SV2C: variants seen among roughly 807,000 people sequenced by gnomAD.
SV2C encodes the protein synaptic vesicle glycoprotein 2C.
SV2C carries 49 observed loss-of-function variants against 79.7 expected under a neutral mutation model. That is an observed-to-expected ratio of 0.61 (90% confidence interval 0.49 to 0.78). The LOEUF is 0.78. Among genes scored for constraint, SV2C ranks in the 30% least tolerant of loss-of-function variants. SV2C has a pLI of 0.00. For synonymous variants in SV2C, 334 were observed against 333.2 expected (o/e 1.00, Z -0.03); for missense variants, 833 against 912.9 (o/e 0.91, Z 1.13).
At chr5:75,849,350 A>G in the SV2C span, among the ~76,000 whole-genome samples, 11 of 152,324 alleles carry the variant, frequency 7.2e-5, no homozygotes, top group East Asian at 1.5e-3. Context: ...ACAGAACTCA[A>G]TTACATATAC....
chr5:76,037,942 T>C, the SV2C span, among the ~76,000 whole-genome samples: 1 of 152,226 alleles, frequency 6.6e-6, no homozygotes, highest in African/African-American at 2.4e-5. Flanking sequence ...TATAATTTCC[T>C]GGTGCACCAT....
At chr5:75,873,001 A>G in the SV2C span, among the ~76,000 whole-genome samples, 1 of 152,162 alleles carries the variant, frequency 6.6e-6, no homozygotes, top group Non-Finnish European at 1.5e-5. Flanking sequence ...ATCTCTAGGT[A>G]ACGCCTTTTA....
At chr5:75,978,127 C>A in the SV2C span, among the ~76,000 whole-genome samples, 2 of 152,180 alleles carry the variant, frequency 1.3e-5, no homozygotes, top group African/African-American at 4.8e-5. Context: ...TCACCAATGA[C>A]CCCCATATTG....
intron 2 of SV2C, among the ~76,000 whole-genome samples, chr5:76,178,288 A>G (rs537762975): frequency 9.8e-5 from 15 of 152,388 alleles, no homozygotes; most frequent in African/African-American, 3.6e-4. Flanking sequence ...TCACCTTTTC[A>G]TGGGAAGAGC....
chr5:76,010,451 T>G, the SV2C span, among the ~76,000 whole-genome samples: 1 of 152,204 alleles, frequency 6.6e-6, no homozygotes, highest in East Asian at 1.9e-4. Context: ...GACTTCAGTC[T>G]TGTGGGAGTT....
chr5:75,903,412 AACCTAT>A, the SV2C span, among the ~76,000 whole-genome samples: 1 of 151,366 alleles, frequency 6.6e-6, no homozygotes, highest in African/African-American at 2.4e-5. Flanking sequence ...TTTTCTGTTG[AACCTAT>A]GGTTTATTCT....
chr5:75,921,438 T>G, the SV2C span: 6 of 802,544 alleles, frequency 7.5e-6, no homozygotes, highest in Non-Finnish European at 1.4e-5. Context: ...AGCCTCCAGC[T>G]TGAACTTCTT....
chr5:76,254,950 T>C (rs901133907), intron 4 of SV2C, among the ~76,000 whole-genome samples: 1 of 152,200 alleles, frequency 6.6e-6, no homozygotes, highest in South Asian at 2.1e-4. Context: ...TTGATTTATA[T>C]TTATTTTTTA....
At chr5:76,234,800 A>T (rs1228046255) in intron 4 of SV2C, among the ~76,000 whole-genome samples, 1 of 152,224 alleles carries the variant, frequency 6.6e-6, no homozygotes, top group Non-Finnish European at 1.5e-5. Context: ...ATAGCCAATC[A>T]AAAGTGTGGC....
chr5:76,295,947 A>G lies in SV2C; in HGVS notation c.1502+5A>G, dbSNP rs1747744079. 10 of 1,564,040 alleles carry G rather than the reference A, an allele frequency of 6.4e-6. No homozygotes were observed. The East Asian group carries it at 2.3e-4, about 36-fold the overall frequency. ...AATGGAATACGACAATGGCAGGTCTAGAAACTTGAAATAATTTAATTTGCT... is the reference window on the plus strand; with the variant it reads ...AATGGAATACGACAATGGCAGGTCTGGAAACTTGAAATAATTTAATTTGCT... On this transcript the variant is annotated splice_donor_5th_base_variant and intron_variant, in intron 9 of 12. Coordinates refer to ENST00000502798, the MANE Select transcript of SV2C (RefSeq NM_014979.4).
At chr5:76,323,190 G>GA (rs1235977412) in intron 12 of SV2C, among the ~76,000 whole-genome samples, 1 of 152,014 alleles carries the variant, frequency 6.6e-6, no homozygotes, top group Admixed American at 6.5e-5. Context: ...AAATTTACCA[G>GA]AAAAAAATAA....
At chr5:76,120,996 T>C (rs970147046) in intron 1 of SV2C, among the ~76,000 whole-genome samples, 42 of 151,012 alleles carry the variant, frequency 2.8e-4, no homozygotes, top group African/African-American at 9.6e-4. Flanking sequence ...AGTGTAAAAG[T>C]GTTCCTATTT....
At chr5:75,905,240 C>T in the SV2C span, among the ~76,000 whole-genome samples, 2 of 152,246 alleles carry the variant, frequency 1.3e-5, no homozygotes, top group African/African-American at 2.4e-5. Flanking sequence ...TTTTCATTTG[C>T]TTCCATCCAG....
the SV2C span, among the ~76,000 whole-genome samples, chr5:75,960,622 G>A: frequency 6.6e-6 from 1 of 151,886 alleles, no homozygotes; most frequent in Non-Finnish European, 1.5e-5. Context: ...AAAAATCTAA[G>A]CTATAAAAAT....
chr5:76,235,904 TC>T (rs1159144727), intron 4 of SV2C, among the ~76,000 whole-genome samples: 1 of 152,196 alleles, frequency 6.6e-6, no homozygotes, highest in South Asian at 2.1e-4. Context: ...TGAGTTGTCT[TC>T]CCCCCACCGG....
intron 1 of SV2C, among the ~76,000 whole-genome samples, chr5:76,130,653 G>T (rs1411410050): frequency 6.6e-6 from 1 of 152,100 alleles, no homozygotes; most frequent in Non-Finnish European, 1.5e-5. Flanking sequence ...TGGACAAATG[G>T]AATATAAGTT....
chr5:75,972,216 G>A, the SV2C span, among the ~76,000 whole-genome samples: 4 of 152,078 alleles, frequency 2.6e-5, no homozygotes, highest in Admixed American at 6.6e-5. Flanking sequence ...CTAAAACCAT[G>A]AAAACCCTAG....
chr5:75,924,590 C>A, the SV2C span, among the ~76,000 whole-genome samples: 1 of 152,132 alleles, frequency 6.6e-6, no homozygotes, highest in Non-Finnish European at 1.5e-5. Context: ...ACATATGCTG[C>A]CTTTCTTAAA....
intron 4 of SV2C, among the ~76,000 whole-genome samples, chr5:76,221,240 A>G (rs564504034): frequency 7.9e-5 from 12 of 152,360 alleles, no homozygotes; most frequent in Non-Finnish European, 1.8e-4. Context: ...GGCTGGAGAA[A>G]CAGGCTCAGA....
Sources: gnomAD v4.1 joint callset for allele counts (sites outside exome capture counted in the v4.1 genomes callset) on GRCh38, gnomAD v4.1.1 for gene constraint, MANE v1.5 for transcripts, NCBI Gene and HGNC (gene_info 2026-07-23, HGNC 2026-07-21) for gene names.